Variants in CRYBG3 observed in about 807,000 individuals in gnomAD.
The protein encoded by CRYBG3 is crystallin beta-gamma domain containing 3.
Under a neutral mutation model 244.2 loss-of-function variants are expected in CRYBG3, and 127 were observed. The ratio of observed to expected loss-of-function variants is 0.52; its 90% confidence interval spans 0.45 to 0.60. The LOEUF (loss-of-function observed/expected upper bound fraction) is 0.60. CRYBG3 is among the 20% of genes least tolerant of loss of function. CRYBG3 has a pLI of 0.00. For missense variants in CRYBG3, 3,325 were observed against 3,442.5 expected, an observed-to-expected ratio of 0.97 and a Z score of 0.85; for synonymous variants, 1,132 against 1,195.8, an observed-to-expected ratio of 0.95 and a Z score of 1.10.
chr3:97,866,355 C>A (rs1220717771), intron 3 of CRYBG3, among the ~76,000 whole-genome samples: 1 of 152,154 alleles, frequency 6.6e-6, no homozygotes, highest in East Asian at 1.9e-4. Context: ...TATTTGGAAA[C>A]CAGTGTCCGA....
rs138616899 is a variant in CRYBG3, at chr3:97,828,119, C to T, written c.149+5764C>T. On this transcript the variant is annotated intron_variant, in intron 1 of 21. Transcript: ENST00000389622. ...TCAAAAGAGAGTTTCAGATGGAAAC[C>T]ATAGCAAGATACCATATTCTACCTA... Among the ~76,000 whole-genome samples, 124 of 152,176 alleles carry T rather than the reference C, an allele frequency of 8.1e-4. 2 individuals carry two copies. Among genetic ancestry groups the T allele is most frequent in the African/African-American group, 2.7e-3 (114 of 41,508 alleles).
chr3:97,888,683 A>T (rs2039537564), intron 9 of CRYBG3, among the ~76,000 whole-genome samples: 1 of 152,232 alleles, frequency 6.6e-6, no homozygotes, highest in Non-Finnish European at 1.5e-5. Context: ...GTGATAAACC[A>T]TTTTTGGTTA....
chr3:97,832,163 A>G (rs1434660388), intron 1 of CRYBG3, among the ~76,000 whole-genome samples: 1 of 151,816 alleles, frequency 6.6e-6, no homozygotes, highest in African/African-American at 2.4e-5. Flanking sequence ...TGCTATTGCC[A>G]TCAAGCTACC....
chr3:97,824,890 C>T (rs2038558274), intron 1 of CRYBG3, among the ~76,000 whole-genome samples: 1 of 152,092 alleles, frequency 6.6e-6, no homozygotes, highest in South Asian at 2.1e-4. Context: ...GTGTTAAGCC[C>T]AGTTTATAAG....
rs2039668440 is a variant in CRYBG3, at chr3:97,898,800, A to G, written c.7702-83A>G. 5.5e-6 allele frequency: 5 copies of G among 906,296 alleles called. No individual in the cohort carries two copies. The South Asian group carries it at 1.2e-4, about 21-fold the overall frequency. 56.1% of individuals were successfully genotyped at this position (906,296 alleles called of 1,614,324 possible). On this transcript the variant is annotated intron_variant, in intron 12 of 21. Coordinates refer to ENST00000389622, the MANE Select transcript of CRYBG3 (RefSeq NM_153605.4). Reference sequence around the variant, plus strand: ...TTATTTGTGTAAAAATTACCCCATCAGTATGTGATATTTTGCTAGATAATA... The same window carrying G: ...TTATTTGTGTAAAAATTACCCCATCGGTATGTGATATTTTGCTAGATAATA...
intron 6 of CRYBG3, 150 bp downstream of exon 6, chr3:97,880,250 T>C (rs2039429662): frequency 5.4e-6 from 3 of 554,518 alleles, no homozygotes; most frequent in Non-Finnish European, 6.3e-6. Context: ...TATTAGTGTG[T>C]TATAACTTAA....
At chr3:97,862,345 C>A (rs1431888378) in intron 2 of CRYBG3, among the ~76,000 whole-genome samples, 5 of 151,922 alleles carry the variant, frequency 3.3e-5, no homozygotes, top group African/African-American at 9.7e-5. Flanking sequence ...GACTCTTTTG[C>A]AAATTTTTAA....
chr3:97,857,308 G>T (rs2039079467), intron 2 of CRYBG3, among the ~76,000 whole-genome samples: 1 of 151,946 alleles, frequency 6.6e-6, no homozygotes, highest in African/African-American at 2.4e-5. Flanking sequence ...GTGTTCTGAA[G>T]AATATTCCAT....
Position 97,943,618 on chromosome 3 carries a change from G to A in CRYBG3, c.*304G>A, listed in dbSNP as rs1172593201. 2.9e-5 allele frequency: 9 copies of A among 308,204 alleles called. No homozygotes were observed. The Admixed American group carries it at 3.3e-4, about 11-fold the overall frequency. The allele number at this position is 308,204 out of a possible 1,614,324, so 19.1% of individuals were successfully genotyped here. ...TTATTTTCTCTCATATCCACCAAACGTGAATCCTGTTCCTGATGGCCCGTT... is the reference window on the plus strand; with the variant it reads ...TTATTTTCTCTCATATCCACCAAACATGAATCCTGTTCCTGATGGCCCGTT... On this transcript the variant is annotated 3_prime_UTR_variant, in exon 22 of 22. Transcript: ENST00000389622.
In CRYBG3 at chr3:97,875,094, G is replaced by A; in HGVS notation, c.3900G>A (p.Leu1300=). The change falls in exon 4 of 22, where the codon TTG becomes TTA. Residue 1300 remains leucine (L), a synonymous_variant. Transcript: ENST00000389622. The stretch of plus-strand genomic sequence containing the variant: ...CTAATAGTATGAATGTATCTTGTTT[G>A]TTAGAAGATAAAGCTAGGGAATTAG... The part of the protein sequence containing the change: ...VDPNSMNVSC[L]LEDKARELVN... The A allele has an allele frequency of 6.5e-7, 1 of 1,532,984 alleles. No individual in the cohort carries two copies. Among genetic ancestry groups the A allele is most frequent in the Non-Finnish European group, 8.7e-7 (1 of 1,145,198 alleles). The allele number at this position is 1,532,984 out of a possible 1,614,324, so 95.0% of individuals were successfully genotyped here. A position where few individuals can be genotyped will look rare whatever the true frequency, so the allele number is the denominator to read the frequency against.
intron 1 of CRYBG3, among the ~76,000 whole-genome samples, chr3:97,823,875 T>A (rs1187003069): frequency 6.6e-6 from 1 of 152,236 alleles, no homozygotes; most frequent in Admixed American, 6.5e-5. Context: ...TTTGGCTTTT[T>A]AAGGCACTTC....
chr3:97,917,502 G>A (rs902491099), intron 17 of CRYBG3, among the ~76,000 whole-genome samples: 2 of 152,120 alleles, frequency 1.3e-5, no homozygotes, highest in Non-Finnish European at 2.9e-5. Context: ...TGTTATAGCA[G>A]CAGGTTTGTG....
chr3:97,871,093 G>A (rs1454521859), intron 3 of CRYBG3, among the ~76,000 whole-genome samples: 1 of 152,160 alleles, frequency 6.6e-6, no homozygotes, highest in African/African-American at 2.4e-5. Context: ...CGTGATGTGA[G>A]AACTCGTAGT....
chr3:97,843,352 C>A, intron 2 of CRYBG3, 91 bp downstream of exon 2: 3 of 732,702 alleles, frequency 4.1e-6, no homozygotes, highest in South Asian at 1.9e-5. Flanking sequence ...TTTTACATTT[C>A]AAAAAGAACA....
In CRYBG3 at chr3:97,822,099, G is replaced by A. The variant is rs1464235864; in HGVS notation, c.-108G>A. 1 of 946,260 alleles carries A rather than the reference G, an allele frequency of 1.1e-6. No individual in the cohort carries two copies. Among genetic ancestry groups the A allele is most frequent in the African/African-American group, 1.7e-5 (1 of 59,160 alleles). 58.6% of individuals were successfully genotyped at this position (946,260 alleles called of 1,614,324 possible). On this transcript the variant is annotated 5_prime_UTR_variant, in exon 1 of 22. Coordinates refer to ENST00000389622, the MANE Select transcript of CRYBG3 (RefSeq NM_153605.4). ...GAGCCGCGCTGGCAGCTCGCGTCGA[G>A]TCGGTCTGCCCTAGCCGCATCCCGC...
intron 17 of CRYBG3, among the ~76,000 whole-genome samples, chr3:97,920,177 A>T (rs148802589): frequency 1.1e-3 from 162 of 152,302 alleles, no homozygotes; most frequent in African/African-American, 3.8e-3. Flanking sequence ...TCTTTACTAA[A>T]TACTGTGCTA....
At chr3:97,824,297 G>A (rs1377435401) in intron 1 of CRYBG3, among the ~76,000 whole-genome samples, 1 of 152,192 alleles carries the variant, frequency 6.6e-6, no homozygotes, top group Non-Finnish European at 1.5e-5. Flanking sequence ...CAAAATGAAA[G>A]AGTATTTTGG....
chr3:97,929,119 T>C (rs1463984173), intron 17 of CRYBG3, among the ~76,000 whole-genome samples: 1 of 152,042 alleles, frequency 6.6e-6, no homozygotes. Context: ...TTTTAGAAAC[T>C]GTATCCTCTT....
chr3:97,832,128 T>A (rs779112161), intron 1 of CRYBG3, among the ~76,000 whole-genome samples: 6 of 151,654 alleles, frequency 4.0e-5, no homozygotes, highest in Non-Finnish European at 5.9e-5. Context: ...ATGGCCATAC[T>A]GACCAAAGTA....
Sources: gnomAD v4.1 joint callset for allele counts (sites outside exome capture counted in the v4.1 genomes callset) on GRCh38, gnomAD v4.1.1 for gene constraint, MANE v1.5 for transcripts, NCBI Gene and HGNC (gene_info 2026-07-23, HGNC 2026-07-21) for gene names.